C1QTNF7: variants seen among roughly 807,000 people sequenced by gnomAD.
C1QTNF7 encodes the protein complement C1q tumor necrosis factor-related protein 7.
Under a neutral mutation model 19.6 loss-of-function variants are expected in C1QTNF7, and 15 were observed. That is an observed-to-expected ratio of 0.76 (90% CI 0.51 to 1.18). C1QTNF7 has a LOEUF of 1.18. Among genes scored for constraint, C1QTNF7 ranks in the 50% most tolerant of loss-of-function variants. The pLI is 0.00. For missense variants in C1QTNF7, 324 were observed against 359.7 expected (o/e 0.90, Z 0.80); for synonymous variants, 142 against 137.5 (o/e 1.03, Z -0.23).
chr4:15,353,228 G>A (rs1716996103), intron 1 of C1QTNF7, among the ~76,000 whole-genome samples: 1 of 152,106 alleles, frequency 6.6e-6, no homozygotes, highest in Non-Finnish European at 1.5e-5. Context: ...GACATTTTGT[G>A]TTGCCTTTTA....
rs1327742640 is a variant in C1QTNF7, at chr4:15,445,819, T to C, written c.*3020T>C. The C allele has an allele frequency of 1.3e-5, 2 of 152,176 alleles. No homozygotes were observed. The allele number at this position is 152,176 out of a possible 1,614,324, so 9.4% of individuals were successfully genotyped here. A position where few individuals can be genotyped will look rare whatever the true frequency, so the allele number is the denominator to read the frequency against. On this transcript the variant is annotated 3_prime_UTR_variant, in exon 3 of 3. Coordinates refer to ENST00000444304, the MANE Select transcript of C1QTNF7 (RefSeq NM_031911.5). ...TGTATTAAGCAATATTTATTGACTA[T>C]ACACCATCTTGTTCTAGAAGAGTTT...
At chr4:15,412,097 G>A (rs1719424284) in intron 1 of C1QTNF7, among the ~76,000 whole-genome samples, 1 of 152,206 alleles carries the variant, frequency 6.6e-6, no homozygotes, top group African/African-American at 2.4e-5. Flanking sequence ...GAGGGATCTA[G>A]GTTGCACACT....
chr4:15,436,424 G>C (rs949938335), intron 2 of C1QTNF7, among the ~76,000 whole-genome samples: 1 of 152,218 alleles, frequency 6.6e-6, no homozygotes, highest in African/African-American at 2.4e-5. Flanking sequence ...AGATTAAGCA[G>C]AGGCAAAAAC....
At chr4:15,391,856 A>G (rs1027516084) in intron 1 of C1QTNF7, among the ~76,000 whole-genome samples, 3 of 152,164 alleles carry the variant, frequency 2.0e-5, no homozygotes, top group African/African-American at 7.2e-5. Context: ...AAGCACCACT[A>G]TTTGGGCAGT....
At chr4:15,365,243 T>G (rs377563270) in intron 1 of C1QTNF7, among the ~76,000 whole-genome samples, 2 of 151,360 alleles carry the variant, frequency 1.3e-5, no homozygotes, top group Admixed American at 1.3e-4. Context: ...AGAGATCTCT[T>G]TTTTTTTTCA....
At chr4:15,340,566 C>T (rs1287620522) in intron 1 of C1QTNF7, among the ~76,000 whole-genome samples, 3 of 152,146 alleles carry the variant, frequency 2.0e-5, no homozygotes, top group Non-Finnish European at 2.9e-5. Flanking sequence ...TTCTTATCCC[C>T]TTATATGCAA....
At chr4:15,354,444 G>A (rs1028241857) in intron 1 of C1QTNF7, among the ~76,000 whole-genome samples, 2 of 152,112 alleles carry the variant, frequency 1.3e-5, no homozygotes, top group Admixed American at 6.5e-5. Flanking sequence ...TACTGGATGT[G>A]GGGAGGCCAG....
At chr4:15,388,129 A>G (rs1360362256) in intron 1 of C1QTNF7, among the ~76,000 whole-genome samples, 2 of 152,228 alleles carry the variant, frequency 1.3e-5, no homozygotes, top group African/African-American at 2.4e-5. Flanking sequence ...TCTTTTCTCA[A>G]TAAAATGGGA....
chr4:15,356,728 G>A (rs1041672771), intron 1 of C1QTNF7, among the ~76,000 whole-genome samples: 12 of 152,124 alleles, frequency 7.9e-5, no homozygotes, highest in East Asian at 3.9e-4. Context: ...GTGTAAAAGC[G>A]TTCCTATTTC....
intron 1 of C1QTNF7, among the ~76,000 whole-genome samples, chr4:15,393,464 G>T (rs967054726): frequency 6.6e-6 from 1 of 152,142 alleles, no homozygotes; most frequent in Non-Finnish European, 1.5e-5. Context: ...GAAGCCAAAG[G>T]TTCTCAACCC....
upstream of C1QTNF7, among the ~76,000 whole-genome samples, chr4:15,426,860 G>A (rs1712075592): frequency 6.6e-6 from 1 of 152,172 alleles, no homozygotes; most frequent in Admixed American, 6.5e-5. Context: ...CCATCATTTG[G>A]TTCGAGAATA....
intron 1 of C1QTNF7, chr4:15,362,581 A>C (rs914135629): frequency 3.3e-5 from 5 of 152,218 alleles, no homozygotes; most frequent in African/African-American, 1.2e-4. Flanking sequence ...ACAATAAGTG[A>C]TTAAAAAATT....
chr4:15,440,377 T>C (rs1712705772), intron 2 of C1QTNF7, among the ~76,000 whole-genome samples: 1 of 151,836 alleles, frequency 6.6e-6, no homozygotes, highest in Admixed American at 6.6e-5. Context: ...AAGGCTTGGA[T>C]TCTAGTCCTA....
intron 1 of C1QTNF7, among the ~76,000 whole-genome samples, chr4:15,429,647 T>C: frequency 6.6e-6 from 1 of 152,236 alleles, no homozygotes. Flanking sequence ...CCATGGACAC[T>C]TGGGTTGCTT....
At chr4:15,392,297 AG>A (rs957094108) in intron 1 of C1QTNF7, among the ~76,000 whole-genome samples, 18 of 151,944 alleles carry the variant, frequency 1.2e-4, no homozygotes, top group African/African-American at 3.9e-4. Context: ...GTATATATCT[AG>A]GGGGCGCTTA....
chr4:15,363,877 G>T (rs1229038425), intron 1 of C1QTNF7, among the ~76,000 whole-genome samples: 1 of 152,192 alleles, frequency 6.6e-6, no homozygotes, highest in African/African-American at 2.4e-5. Context: ...GAAATGAGAT[G>T]CCCTTGTCTC....
intron 1 of C1QTNF7, among the ~76,000 whole-genome samples, chr4:15,421,542 T>G (rs1711761193): frequency 6.8e-6 from 1 of 147,234 alleles, no homozygotes; most frequent in Non-Finnish European, 1.5e-5. Flanking sequence ...GGACTCATTT[T>G]CTGGGGATTA....
At chr4:15,413,270 T>A (rs529828439) in intron 1 of C1QTNF7, among the ~76,000 whole-genome samples, 1 of 152,200 alleles carries the variant, frequency 6.6e-6, no homozygotes, top group African/African-American at 2.4e-5. Context: ...TTTATTGTCA[T>A]CTCTTCAGAA....
chr4:15,358,656 G>GT (rs533867266), intron 1 of C1QTNF7: 220 of 152,200 alleles, frequency 1.4e-3, no homozygotes, highest in African/African-American at 5.0e-3. Flanking sequence ...CATCCAGAAT[G>GT]TTTTTTATGT....
Sources: gnomAD v4.1 joint callset for allele counts (sites outside exome capture counted in the v4.1 genomes callset) on GRCh38, gnomAD v4.1.1 for gene constraint, MANE v1.5 for transcripts, NCBI Gene and HGNC (gene_info 2026-07-23, HGNC 2026-07-21) for gene names.